Variants in S100Z observed in about 807,000 individuals in gnomAD.
S100Z encodes protein S100-Z.
Under a neutral mutation model 8.5 loss-of-function variants are expected in S100Z, and 11 were observed. That is an observed-to-expected ratio of 1.30 (90% CI 0.82 to 2.15). The LOEUF (loss-of-function observed/expected upper bound fraction) is 2.15, where lower values mean the gene tolerates loss of function less well. S100Z is among the 30% of genes most tolerant of loss of function. The pLI is 0.00. For synonymous variants in S100Z, 34 were observed against 43.8 expected, an observed-to-expected ratio of 0.78 and a Z score of 0.89; for missense variants, 126 against 117.9, an observed-to-expected ratio of 1.07 and a Z score of -0.32.
intron 4 of S100Z, among the ~76,000 whole-genome samples, chr5:76,917,123 C>CAA (rs35232494): frequency 0.093 from 7,496 of 80,454 alleles, 1,205 homozygotes; most frequent in African/African-American, 0.31. Flanking sequence ...GAGACTGTCT[C>CAA]AAAAAAAAAA....
At chr5:76,875,159 G>A (rs1403687974) in intron 2 of S100Z, 145 bp from the exon 3 acceptor site, 3 of 388,400 alleles carry the variant, frequency 7.7e-6, no homozygotes, top group Non-Finnish European at 1.4e-5. Context: ...CCAAAGTGCT[G>A]GGATTACAGG....
chr5:76,907,025 CATATAT>C (rs1186027835), intron 4 of S100Z, among the ~76,000 whole-genome samples: 1 of 73,942 alleles, frequency 1.4e-5, no homozygotes, highest in Non-Finnish European at 2.4e-5. Flanking sequence ...TATATATATA[CATATAT>C]ATATACCAAA....
chr5:76,860,591 C>A (rs1233691932), intron 1 of S100Z, among the ~76,000 whole-genome samples: 1 of 152,060 alleles, frequency 6.6e-6, no homozygotes, highest in Non-Finnish European at 1.5e-5. Context: ...ATGCTCCAAG[C>A]AGACATTGCT....
the S100Z span, among the ~76,000 whole-genome samples, chr5:76,941,229 T>C: frequency 1.3e-5 from 2 of 152,204 alleles, no homozygotes; most frequent in Non-Finnish European, 2.9e-5. Flanking sequence ...TGTTTTCCTT[T>C]TACAATGTCA....
intron 4 of S100Z, among the ~76,000 whole-genome samples, chr5:76,886,178 T>A (rs943600085): frequency 1.1e-4 from 16 of 152,066 alleles, no homozygotes; most frequent in African/African-American, 3.6e-4. Flanking sequence ...CCCCGTGAGG[T>A]CAGACACCTC....
chr5:76,864,092 T>G (rs184848458), intron 1 of S100Z, among the ~76,000 whole-genome samples: 2 of 152,348 alleles, frequency 1.3e-5, no homozygotes, highest in Admixed American at 1.3e-4. Flanking sequence ...CGTAATTCTA[T>G]TAAACAATGA....
intron 4 of S100Z, among the ~76,000 whole-genome samples, chr5:76,899,135 G>A (rs1744146257): frequency 6.6e-6 from 1 of 151,782 alleles, no homozygotes; most frequent in Non-Finnish European, 1.5e-5. Context: ...GAAGAGACAG[G>A]TTTCTCCAGG....
intron 4 of S100Z, among the ~76,000 whole-genome samples, chr5:76,912,261 T>C (rs938812841): frequency 6.6e-6 from 1 of 152,178 alleles, no homozygotes; most frequent in Non-Finnish European, 1.5e-5. Flanking sequence ...AATACATATG[T>C]GCATGGCCTC....
At chr5:76,950,393 C>A in the S100Z span, among the ~76,000 whole-genome samples, 1 of 152,158 alleles carries the variant, frequency 6.6e-6, no homozygotes, top group Admixed American at 6.5e-5. Context: ...AGTCTAGGCA[C>A]AATTTTAAAT....
chr5:76,906,972 GTGTGTATATA>G (rs1347211718), intron 4 of S100Z, among the ~76,000 whole-genome samples: 63 of 30,446 alleles, frequency 2.1e-3, no homozygotes, highest in African/African-American at 7.1e-3. Context: ...TCCATTGTGT[GTGTGTATATA>G]TATATATATA....
At chr5:76,853,402 A>G (rs549254995) in intron 1 of S100Z, among the ~76,000 whole-genome samples, 4 of 152,322 alleles carry the variant, frequency 2.6e-5, no homozygotes, top group African/African-American at 7.2e-5. Context: ...ATAGTAAGAG[A>G]TAGCAAATTA....
intron 1 of S100Z, among the ~76,000 whole-genome samples, chr5:76,858,034 C>T (rs180838354): frequency 2.0e-5 from 3 of 152,242 alleles, no homozygotes; most frequent in Admixed American, 6.5e-5. Flanking sequence ...GATGGGACTG[C>T]CAGAACCAGT....
chr5:76,945,802 G>A, the S100Z span, among the ~76,000 whole-genome samples: 1 of 152,178 alleles, frequency 6.6e-6, no homozygotes, highest in African/African-American at 2.4e-5. Flanking sequence ...GACCGGTGCC[G>A]GTGCTGGTCC....
chr5:76,899,521 T>A (rs1744159968), intron 4 of S100Z, among the ~76,000 whole-genome samples: 1 of 152,110 alleles, frequency 6.6e-6, no homozygotes, highest in African/African-American at 2.4e-5. Flanking sequence ...CCATTGCATA[T>A]TTTTTGGTTT....
the S100Z span, among the ~76,000 whole-genome samples, chr5:76,936,641 ACACACACACACACACAAC>A: frequency 1.4e-5 from 2 of 145,182 alleles, no homozygotes; most frequent in Non-Finnish European, 3.1e-5. Context: ...ACACACACAC[ACACACACACACACACAAC>A]CATGAAGGAA....
chr5:76,938,466 A>G, the S100Z span, among the ~76,000 whole-genome samples: 5 of 122,488 alleles, frequency 4.1e-5, no homozygotes. Flanking sequence ...GAGGTGAAAG[A>G]CAGGAAAGCA....
chr5:76,858,539 G>GA (rs1750953335), intron 1 of S100Z, among the ~76,000 whole-genome samples: 1 of 151,766 alleles, frequency 6.6e-6, no homozygotes, highest in African/African-American at 2.4e-5. Flanking sequence ...AAAAAAAGGG[G>GA]GTGATGGGAA....
downstream of S100Z, among the ~76,000 whole-genome samples, chr5:76,922,192 T>C (rs372257854): frequency 7.9e-5 from 12 of 152,172 alleles, no homozygotes; most frequent in African/African-American, 2.9e-4. Flanking sequence ...AGGGAGAGAC[T>C]CTCTCTGGAA....
chr5:76,883,034 G>A lies in S100Z; in HGVS notation c.*2+5200G>A, dbSNP rs1478772003. ...CTTGTTTTAGGACAGGTAAAATGGGGGAATTGTAGGGAGAGTTTACAGGCT... is the reference window on the plus strand; with the variant it reads ...CTTGTTTTAGGACAGGTAAAATGGGAGAATTGTAGGGAGAGTTTACAGGCT... On this transcript the variant is annotated intron_variant, in intron 4 of 4. Coordinates refer to ENST00000317593, the MANE Select transcript of S100Z (RefSeq NM_130772.4). 2.6e-5 allele frequency among the ~76,000 whole-genome samples: 4 copies of A among 152,146 alleles called. No individual in the cohort carries two copies. The East Asian group carries it at 7.7e-4, about 29-fold the overall frequency.
Sources: allele counts gnomAD v4.1 joint callset (sites outside exome capture counted in the v4.1 genomes callset), GRCh38; gene constraint gnomAD v4.1.1; transcripts MANE v1.5; gene names NCBI Gene and HGNC (gene_info 2026-07-23, HGNC 2026-07-21).